The following PHACTR3 variants were observed in gnomAD, a reference collection of about 807,000 sequenced individuals.
The protein encoded by PHACTR3 is protein phosphatase 1, regulatory subunit 123.
A neutral mutation model predicts 66.8 loss-of-function variants in PHACTR3; 16 were observed. The ratio of observed to expected loss-of-function variants is 0.24; its 90% CI spans 0.16 to 0.36. The LOEUF (loss-of-function observed/expected upper bound fraction) is 0.36. Among genes scored for constraint, PHACTR3 ranks in the 10% least tolerant of loss-of-function variants. PHACTR3 has a pLI of 1.00. For missense variants in PHACTR3, 647 were observed against 719.9 expected, an observed-to-expected ratio of 0.90 and a Z score of 1.16; for synonymous variants, 323 against 292.1, an observed-to-expected ratio of 1.11 and a Z score of -1.08.
chr20:59,711,085 G>T (rs1387935464), intron 1 of PHACTR3, among the ~76,000 whole-genome samples: 1 of 151,802 alleles, frequency 6.6e-6, no homozygotes, highest in Admixed American at 6.6e-5. Flanking sequence ...ATGCCATATT[G>T]TATATATAAT....
At chr20:59,819,520 A>G (rs1295081493) in intron 8 of PHACTR3, among the ~76,000 whole-genome samples, 2 of 150,480 alleles carry the variant, frequency 1.3e-5, no homozygotes, top group Non-Finnish European at 3.0e-5. Context: ...CGGGCAACAG[A>G]TTGAGACCCT....
rs140942322 is a variant in PHACTR3 at position 59,806,726 on chromosome 20, G to A, written c.1328+532G>A. On this transcript the variant is annotated intron_variant, in intron 8 of 12. Transcript: ENST00000371015. ...TGACAGGATACATTCTGAGAAATGC[G>A]TCATTAGGAGATTTTGTTGTTGTGG... Among the ~76,000 whole-genome samples, 9 of 152,276 alleles carry A rather than the reference G, an allele frequency of 5.9e-5. No individual in the cohort carries two copies. In the East Asian group the frequency reaches 7.7e-4, roughly 13 times the overall value.
intron 1 of PHACTR3, among the ~76,000 whole-genome samples, chr20:59,639,086 TGGA>T (rs2035011497): frequency 1.4e-5 from 2 of 147,642 alleles, no homozygotes; most frequent in African/African-American, 5.1e-5. Flanking sequence ...GATGGATGGA[TGGA>T]TGGATGGATG....
intron 1 of PHACTR3, among the ~76,000 whole-genome samples, chr20:59,707,753 C>G (rs1248899734): frequency 6.6e-6 from 1 of 151,994 alleles, no homozygotes; most frequent in Non-Finnish European, 1.5e-5. Context: ...GGCGTGAGCC[C>G]CCTTGCCCAG....
Position 59,604,598 on chromosome 20 carries a change from G to T in PHACTR3, c.-417G>T. 2.0e-5 allele frequency: 6 copies of T among 298,622 alleles called. No homozygotes were observed. Among genetic ancestry groups the T allele is most frequent in the Non-Finnish European group, 2.4e-5 (5 of 204,774 alleles). 18.5% of individuals were successfully genotyped at this position (298,622 alleles called of 1,614,324 possible). A position where few individuals can be genotyped will look rare whatever the true frequency, so the allele number is the denominator to read the frequency against. On this transcript the variant is annotated 5_prime_UTR_variant, in exon 1 of 13. Coordinates refer to ENST00000371015, the MANE Select transcript of PHACTR3 (RefSeq NM_080672.5). ...CTTTTCCCTTTTTTCCTGGGGGGGT[G>T]GGGGGTGGGGTGGGGGGAGGGAGCG...
chr20:59,806,711 C>A (rs2041582524), intron 8 of PHACTR3, among the ~76,000 whole-genome samples: 1 of 152,320 alleles, frequency 6.6e-6, no homozygotes, highest in African/African-American at 2.4e-5. Flanking sequence ...TGACAGGATA[C>A]ATTCTGAGAA....
intron 1 of PHACTR3, among the ~76,000 whole-genome samples, chr20:59,647,902 T>C (rs1190315899): frequency 6.6e-6 from 1 of 152,226 alleles, no homozygotes; most frequent in Non-Finnish European, 1.5e-5. Context: ...TTTTCTACTT[T>C]TTGCCAGCCT....
At chr20:59,810,213 T>C (rs1276441700) in intron 8 of PHACTR3, among the ~76,000 whole-genome samples, 3 of 152,160 alleles carry the variant, frequency 2.0e-5, no homozygotes, top group Non-Finnish European at 1.5e-5. Flanking sequence ...TGAGAGGAAG[T>C]TGGGAGAAGG....
intron 8 of PHACTR3, among the ~76,000 whole-genome samples, chr20:59,833,159 C>T (rs1259380036): frequency 2.6e-5 from 4 of 152,178 alleles, no homozygotes. Flanking sequence ...CAACCCTGTG[C>T]CTCCGGGGCT....
chr20:59,805,243 C>T (rs1005073829), intron 7 of PHACTR3, among the ~76,000 whole-genome samples: 1 of 152,242 alleles, frequency 6.6e-6, no homozygotes, highest in African/African-American at 2.4e-5. Context: ...GTTAACTTCA[C>T]TCAGCTGATT....
At chr20:59,628,816 G>T in intron 1 of PHACTR3, 1 of 985,266 alleles carries the variant, frequency 1.0e-6, no homozygotes, top group Non-Finnish European at 1.2e-6. Context: ...GAGCCACGGA[G>T]GTTAGATCTT....
chr20:59,686,544 CGTGATGATGATG>C (rs1429113017), intron 1 of PHACTR3, among the ~76,000 whole-genome samples: 1 of 113,712 alleles, frequency 8.8e-6, no homozygotes, highest in East Asian at 2.7e-4. Context: ...TGATGATGGT[CGTGATGATGATG>C]GTGATGATGA....
At chr20:59,612,924 G>A (rs998596005) in intron 1 of PHACTR3, among the ~76,000 whole-genome samples, 3 of 152,198 alleles carry the variant, frequency 2.0e-5, no homozygotes, top group African/African-American at 7.2e-5. Context: ...ACATCACACA[G>A]TGAGAGTGGA....
chr20:59,700,084 T>C (rs924086058), intron 1 of PHACTR3, among the ~76,000 whole-genome samples: 3 of 152,256 alleles, frequency 2.0e-5, no homozygotes, highest in Admixed American at 6.5e-5. Flanking sequence ...TGATTTCTTG[T>C]GGATTTATTC....
intron 1 of PHACTR3, among the ~76,000 whole-genome samples, chr20:59,664,667 C>T (rs1424241721): frequency 2.6e-5 from 4 of 152,254 alleles, no homozygotes; most frequent in Non-Finnish European, 4.4e-5. Flanking sequence ...ATACATTTTC[C>T]ACAGCCTTGG....
At chr20:59,819,536 T>TAA (rs1341673476) in intron 8 of PHACTR3, among the ~76,000 whole-genome samples, 81 of 131,502 alleles carry the variant, frequency 6.2e-4, no homozygotes, top group African/African-American at 2.0e-3. Flanking sequence ...ACCCTGTCGT[T>TAA]AAAAAAAAAA....
chr20:59,585,753 G>T (rs986081564), intron 1 of PHACTR3, among the ~76,000 whole-genome samples: 2 of 152,320 alleles, frequency 1.3e-5, no homozygotes, highest in East Asian at 3.9e-4. Context: ...CCTCACCCGC[G>T]TGCAGAGGCC....
chr20:59,685,166 C>G (rs1415703980), intron 1 of PHACTR3, among the ~76,000 whole-genome samples: 1 of 152,236 alleles, frequency 6.6e-6, no homozygotes, highest in Non-Finnish European at 1.5e-5. Context: ...TGCTGGGCCC[C>G]TGCTTCTGCC....
At chr20:59,832,084 T>C (rs74840470) in intron 8 of PHACTR3, among the ~76,000 whole-genome samples, 4,952 of 152,236 alleles carry the variant, frequency 0.033, 294 homozygotes, top group African/African-American at 0.11. Flanking sequence ...TCATCCCAGC[T>C]GTGTCCCTGC....
Sources: allele counts gnomAD v4.1 joint callset (sites outside exome capture counted in the v4.1 genomes callset), GRCh38; gene constraint gnomAD v4.1.1; transcripts MANE v1.5; gene names NCBI Gene and HGNC (gene_info 2026-07-23, HGNC 2026-07-21).